The following DMD variants were observed in gnomAD, a reference collection of about 807,000 sequenced individuals.
DMD encodes dystrophin.
In DMD, 63 loss-of-function variants were observed where a neutral mutation model predicts 330.1. That is an observed-to-expected ratio of 0.19 (90% CI 0.16 to 0.24). The LOEUF is 0.24. DMD is among the 10% of genes least tolerant of loss of function. DMD has a pLI of 1.00. For synonymous variants in DMD, 1,223 were observed against 959.8 expected, an observed-to-expected ratio of 1.27 and a Z score of -5.07; for missense variants, 3,344 against 2,684.1, an observed-to-expected ratio of 1.25 and a Z score of -5.43.
At chrX:33,177,666 G>C (rs1168688946) in intron 1 of DMD, among the ~76,000 whole-genome samples, 3 of 112,103 alleles carry the variant, frequency 2.7e-5, no homozygotes, top group East Asian at 5.7e-4. Context: ...GATTACAGGC[G>C]TGAGCCACCG....
chrX:32,364,819 T>C lies in DMD; in HGVS notation c.5026-109A>G, dbSNP rs771726117. The C allele has an allele frequency of 1.4e-5, 13 of 933,903 alleles. No homozygotes were observed. The East Asian group carries it at 3.5e-4, about 25-fold the overall frequency. The allele number at this position is 933,903 out of a possible 1,213,427, so 77.0% of individuals were successfully genotyped here. On this transcript the variant is annotated intron_variant, in intron 35 of 78. Coordinates refer to ENST00000357033, the MANE Select transcript of DMD (RefSeq NM_004006.3). ...AGACAACAATAAAGTTTCATTGAGATTAGTTTTAAGTGGTATTTTCATATA... is the reference window on the plus strand; with the variant it reads ...AGACAACAATAAAGTTTCATTGAGACTAGTTTTAAGTGGTATTTTCATATA...
At chrX:32,940,519 C>T (rs978625683) in intron 2 of DMD, among the ~76,000 whole-genome samples, 4 of 111,485 alleles carry the variant, frequency 3.6e-5, no homozygotes, top group African/African-American at 1.3e-4. Flanking sequence ...CACACACCTG[C>T]AGCCATATGA....
intron 62 of DMD, among the ~76,000 whole-genome samples, chrX:31,272,962 A>T (rs1215146443): frequency 8.9e-6 from 1 of 112,307 alleles, no homozygotes; most frequent in Non-Finnish European, 1.9e-5. Context: ...AGTCTACTAC[A>T]AGAGAGAATT....
chrX:31,889,631 TCTCTCTCTCTCTCTCTCA>T (rs1265273106), intron 47 of DMD, among the ~76,000 whole-genome samples: 2 of 69,149 alleles, frequency 2.9e-5, no homozygotes, highest in East Asian at 1.1e-3. Flanking sequence ...TCTCTCTCTC[TCTCTCTCTCTCTCTCTCA>T]CACACACACA....
intron 55 of DMD, among the ~76,000 whole-genome samples, chrX:31,574,324 C>T (rs753169566): frequency 6.5e-5 from 7 of 108,227 alleles, no homozygotes; most frequent in Non-Finnish European, 1.3e-4. Context: ...TTTGTATTTT[C>T]AGTAGAGATG....
At chrX:32,362,319 G>A (rs1367262507) in intron 37 of DMD, among the ~76,000 whole-genome samples, 1 of 111,561 alleles carries the variant, frequency 9.0e-6, no homozygotes, top group African/African-American at 3.3e-5. Context: ...TGCAGAAGAT[G>A]TACAAGACCT....
intron 50 of DMD, among the ~76,000 whole-genome samples, chrX:31,802,168 TC>T (rs201936179): frequency 0.12 from 13,367 of 109,142 alleles, 579 homozygotes; most frequent in East Asian, 0.19. Flanking sequence ...GGATATCATT[TC>T]TTTTTTTGAA....
chrX:32,252,810 ATATAAG>A (rs2097277344), intron 43 of DMD, among the ~76,000 whole-genome samples: 5 of 68,125 alleles, frequency 7.3e-5, no homozygotes, highest in East Asian at 3.7e-4. Context: ...ATATAAATAT[ATATAAG>A]TATATAAATA....
chrX:32,729,723 C>A (rs1366221389), intron 7 of DMD, among the ~76,000 whole-genome samples: 1 of 104,822 alleles, frequency 9.5e-6, no homozygotes, highest in East Asian at 3.0e-4. Flanking sequence ...GCTTTTTATA[C>A]TAAGAAATTC....
At chrX:33,009,790 ATGTG>A (rs1275721978) in intron 2 of DMD, among the ~76,000 whole-genome samples, 1 of 12,313 alleles carries the variant, frequency 8.1e-5, no homozygotes, top group Non-Finnish European at 1.9e-4. Context: ...ATATGTGTAT[ATGTG>A]TGTATATGTG....
chrX:31,455,501 C>T (rs1438552226), intron 59 of DMD, among the ~76,000 whole-genome samples: 1 of 112,144 alleles, frequency 8.9e-6, no homozygotes, highest in Non-Finnish European at 1.9e-5. Flanking sequence ...GTACTAATTA[C>T]TAATACTTCA....
At position 32,775,910 on chromosome X, in the gene DMD, T is replaced by C. The variant is rs191773381; in HGVS notation, c.649+33583A>G. Among the ~76,000 whole-genome samples the C allele has an allele frequency of 2.2e-3, 247 of 112,839 alleles. 1 individual carries two copies. Among genetic ancestry groups the C allele is most frequent in the Non-Finnish European group, 3.7e-3 (199 of 53,324 alleles). ...GCAAATTTTCCAAACTTTTATGCTC[T>C]GCTTTCCTTTTAAAGAAAAGTTCCC... On this transcript the variant is annotated intron_variant, in intron 7 of 78. Coordinates refer to ENST00000357033, the MANE Select transcript of DMD (RefSeq NM_004006.3).
At chrX:31,705,728 A>G (rs181306729) in intron 52 of DMD, among the ~76,000 whole-genome samples, 23 of 112,318 alleles carry the variant, frequency 2.0e-4, no homozygotes, top group African/African-American at 7.1e-4. Flanking sequence ...CGGACCCACA[A>G]TTTCTTGTTG....
In DMD at chrX:31,341,891, G is replaced by GCGCGCGCGCACACACA. The variant is rs374298104; in HGVS notation, c.9163+6664_9163+6665insTGTGTGTGCGCGCGCG. Among the ~76,000 whole-genome samples, 336 of 98,888 alleles carry GCGCGCGCGCACACACA rather than the reference G, an allele frequency of 3.4e-3. 1 individual carries two copies. The highest frequency in any genetic ancestry group is 5.8e-3 in the Non-Finnish European group (285 of 48,810). The allele number at this position is 98,888 out of a possible 115,157, so 85.9% of individuals were successfully genotyped here. A position where few individuals can be genotyped will look rare whatever the true frequency, so the allele number is the denominator to read the frequency against. ...GGCGTGCGCGCGTGCGTGCGCGCGCGCACACACACACACACACACACACAC... is the reference window on the plus strand; with the variant it reads ...GGCGTGCGCGCGTGCGTGCGCGCGCGCGCGCGCGCACACACACACACACACACACACACACACACAC... On this transcript the variant is annotated intron_variant, in intron 61 of 78. Transcript: ENST00000357033.
chrX:31,282,933 C>T (rs2052732407), intron 62 of DMD, among the ~76,000 whole-genome samples: 2 of 111,925 alleles, frequency 1.8e-5, no homozygotes, highest in Admixed American at 9.5e-5. Context: ...GGCAGATACA[C>T]ATAATATCTA....
intron 22 of DMD, among the ~76,000 whole-genome samples, chrX:32,471,777 C>T (rs894090939): frequency 1.8e-5 from 2 of 111,419 alleles, no homozygotes; most frequent in Non-Finnish European, 3.8e-5. Flanking sequence ...CCCATGGATA[C>T]GAAGGGATGA....
At chrX:33,196,348 G>A (rs1213625799) in intron 1 of DMD, among the ~76,000 whole-genome samples, 1 of 111,447 alleles carries the variant, frequency 9.0e-6, no homozygotes, top group Non-Finnish European at 1.9e-5. Context: ...TACTGTGAAA[G>A]ACCTTGTACG....
chrX:32,499,944 G>A lies in DMD; in HGVS notation c.2380+1811C>T, dbSNP rs531061266. On this transcript the variant is annotated intron_variant, in intron 19 of 78. Coordinates refer to ENST00000357033, the MANE Select transcript of DMD (RefSeq NM_004006.3). ...TAAGTTAGAATATTTGAGCCTTTAAGTAATTTCATAAATTATTTTATTTAA... is the reference window on the plus strand; with the variant it reads ...TAAGTTAGAATATTTGAGCCTTTAAATAATTTCATAAATTATTTTATTTAA... Among the ~76,000 whole-genome samples, 36 of 111,472 alleles carry A rather than the reference G, an allele frequency of 3.2e-4. No homozygotes were observed. In the South Asian group the frequency reaches 0.013, roughly 40 times the overall value.
intron 7 of DMD, among the ~76,000 whole-genome samples, chrX:32,736,439 T>C (rs1011557080): frequency 9.9e-5 from 11 of 110,668 alleles, no homozygotes; most frequent in Admixed American, 2.9e-4. Flanking sequence ...GGACTATAAA[T>C]CATGCTGCTA....
Sources: gnomAD v4.1 joint callset for allele counts (sites outside exome capture counted in the v4.1 genomes callset) on GRCh38, gnomAD v4.1.1 for gene constraint, MANE v1.5 for transcripts, NCBI Gene and HGNC (gene_info 2026-07-23, HGNC 2026-07-21) for gene names.